The following SMARCE1 variants were observed in gnomAD, a reference collection of about 807,000 sequenced individuals.
SMARCE1 encodes SWI/SNF related BAF chromatin remodeling complex subunit E1.
In SMARCE1, 13 loss-of-function variants were observed where a neutral mutation model predicts 54.9. The observed-to-expected ratio is 0.24, with a 90% confidence interval of 0.15 to 0.38. The LOEUF (loss-of-function observed/expected upper bound fraction) is 0.38, where lower values mean the gene tolerates loss of function less well. SMARCE1 is among the 10% of genes least tolerant of loss of function. The probability of loss-of-function intolerance (pLI) is 1.00; values close to 1 mark genes in which losing one functional copy is unlikely to be tolerated. For synonymous variants in SMARCE1, 151 were observed against 175.3 expected, an observed-to-expected ratio of 0.86 and a Z score of 1.10; for missense variants, 295 against 523.8, an observed-to-expected ratio of 0.56 and a Z score of 4.26.
chr17:40,627,701 ACT>A lies in SMARCE1; in HGVS notation c.*1082_*1083del, dbSNP rs943863804. On this transcript the variant is annotated 3_prime_UTR_variant, in exon 11 of 11. Transcript: ENST00000348513. The stretch of plus-strand genomic sequence containing the variant: ...TACAAATATGTAGTGCATTAAAAAC[ACT>A]GAGACCTTTTTTTCATTTTTTTTTT... The A allele has an allele frequency of 5.3e-5, 7 of 132,126 alleles. No individual in the cohort carries two copies. The highest frequency in any genetic ancestry group is 2.1e-4 in the African/African-American group (7 of 32,774). The allele number at this position is 132,126 out of a possible 1,614,324, so 8.2% of individuals were successfully genotyped here.
rs1197942361 is a variant in SMARCE1, at chr17:40,628,582, CAAAGA to C, written c.*198_*202del. 20 of 523,372 alleles carry C rather than the reference CAAAGA, an allele frequency of 3.8e-5. No homozygotes were observed. 32.4% of individuals were successfully genotyped at this position (523,372 alleles called of 1,614,324 possible). On this transcript the variant is annotated 3_prime_UTR_variant, in exon 11 of 11. Transcript: ENST00000348513. ...GCAGTTGAGGGCTAGAAACAAGATC[CAAAGA>C]AAAGAGCCATCTTCACAACACTTAA...
intron 4 of SMARCE1, chr17:40,640,841 CA>C (rs1375926178): frequency 2.0e-5 from 3 of 152,172 alleles, no homozygotes; most frequent in Non-Finnish European, 4.4e-5. Flanking sequence ...GCCAAATGTT[CA>C]GTTCTTAACA....
At chr17:40,641,445 T>C (rs1019330494) in intron 4 of SMARCE1, 6 of 152,218 alleles carry the variant, frequency 3.9e-5, no homozygotes, top group African/African-American at 4.8e-5. Context: ...CTTATCAAGA[T>C]AGACATTCAT....
intron 4 of SMARCE1, chr17:40,641,460 T>C (rs981277699): frequency 5.9e-5 from 9 of 152,338 alleles, no homozygotes; most frequent in Middle Eastern, 3.4e-3. Context: ...ATTCATTTGA[T>C]AGCTACAAGC....
Position 40,645,603 on chromosome 17 carries a change from G to T in SMARCE1, c.24C>A (p.Ala8=). The T allele has an allele frequency of 6.4e-7, 1 of 1,567,102 alleles. No homozygotes were observed. Among genetic ancestry groups the T allele is most frequent in the East Asian group, 2.4e-5 (1 of 42,272 alleles). ...TTGCAGGAGCTGGGGTGGGAGGTGG[G>T]GCATAAGATGGTCTTTCTGTTTGAA... MSKRPSY[A]PPPTPAPATQ... The change falls in exon 3 of 11, where the codon GCC becomes GCA. Residue 8 remains alanine (A), a synonymous_variant. Coordinates refer to ENST00000348513, the MANE Select transcript of SMARCE1 (RefSeq NM_003079.5).
intron 1 of SMARCE1, chr17:40,647,129 C>T (rs1361104088): frequency 6.6e-6 from 1 of 152,178 alleles, no homozygotes; most frequent in Non-Finnish European, 1.5e-5. Context: ...CATTTGTCCA[C>T]CGTTGGATCC....
rs1277035085 is a variant in SMARCE1, at chr17:40,642,012, C to T, written c.156+443G>A. On this transcript the variant is annotated intron_variant, in intron 4 of 10. Transcript: ENST00000348513. This position sits in a 1 kb window ranked among gnomAD's most constrained non-coding sequence, Gnocchi z 4.6. ...CCAAAAGACAAATAACTATGGGTAG[C>T]GATTCAAACTGGTGTACCAGCCAAA... The T allele has an allele frequency of 1.6e-5, 3 of 190,594 alleles. No homozygotes were observed. The highest frequency in any genetic ancestry group is 1.4e-4 in the South Asian group (1 of 6,978). The allele number at this position is 190,594 out of a possible 1,614,324, so 11.8% of individuals were successfully genotyped here.
At position 40,645,866 on chromosome 17, in the gene SMARCE1, G is replaced by T. The variant is rs2037249924; in HGVS notation, c.-45-19C>A. 1.5e-6 allele frequency: 1 copy of T among 667,726 alleles called. No homozygotes were observed. The highest frequency in any genetic ancestry group is 2.2e-6 in the Non-Finnish European group (1 of 459,142). 41.4% of individuals were successfully genotyped at this position (667,726 alleles called of 1,614,324 possible). On this transcript the variant is annotated intron_variant, in intron 1 of 10. Transcript: ENST00000348513. ...TGAGACACTAAAATAAAAAAAAAAG[G>T]AAAAAAAAAAGAGAATCAAAACTCA...
intron 7 of SMARCE1, chr17:40,634,164 C>G (rs958839715): frequency 6.6e-6 from 1 of 152,166 alleles, no homozygotes; most frequent in African/African-American, 2.4e-5. Context: ...GGTTATTGCC[C>G]TGTCATCCAG....
At chr17:40,635,880 A>G in intron 7 of SMARCE1, 51 bp downstream of exon 7, 1 of 1,325,320 alleles carries the variant, frequency 7.5e-7, no homozygotes, top group Non-Finnish European at 1.0e-6. Context: ...GATTTCTCAT[A>G]TCTTAACTCA....
rs972517408 is a variant in SMARCE1, at chr17:40,627,872, G to C, written c.*913C>G. On this transcript the variant is annotated 3_prime_UTR_variant, in exon 11 of 11. Transcript: ENST00000348513. ...ACTTTACTAAGTTTATCAAAAAGGTGGGCTCTGGTCTATGGGATCCTGAGC... is the reference window on the plus strand; with the variant it reads ...ACTTTACTAAGTTTATCAAAAAGGTCGGCTCTGGTCTATGGGATCCTGAGC... 1.2e-4 allele frequency: 18 copies of C among 152,546 alleles called. No homozygotes were observed. The highest frequency in any genetic ancestry group is 2.4e-4 in the Non-Finnish European group (16 of 68,020). 9.4% of individuals were successfully genotyped at this position (152,546 alleles called of 1,614,324 possible). A position where few individuals can be genotyped will look rare whatever the true frequency, so the allele number is the denominator to read the frequency against.
intron 10 of SMARCE1, chr17:40,630,001 C>G (rs2037074223): frequency 2.4e-6 from 1 of 421,808 alleles, no homozygotes; most frequent in African/African-American, 2.0e-5. Flanking sequence ...TGACTACTGT[C>G]CCTCCCACTT....
chr17:40,635,929 AC>A lies in SMARCE1; in HGVS notation c.541+1del. ...AACAAAACCCCACTTTTTTTCTTTTACCATCTGGATCTTCAGCAGGCTGAAT... is the reference window on the plus strand; with the variant it reads ...AACAAAACCCCACTTTTTTTCTTTTACATCTGGATCTTCAGCAGGCTGAAT... On this transcript the variant is annotated splice_donor_variant, in intron 7 of 10. Transcript: ENST00000348513. LOFTEE classifies it high-confidence loss of function. 6.5e-7 allele frequency: 1 copy of A among 1,550,104 alleles called. No homozygotes were observed. The highest frequency in any genetic ancestry group is 1.3e-5 in the South Asian group (1 of 78,782).
At chr17:40,636,322 AC>A (rs2037145631) in intron 6 of SMARCE1, 72 bp downstream of exon 6, 3 of 1,482,592 alleles carry the variant, frequency 2.0e-6, no homozygotes, top group Non-Finnish European at 2.8e-6. Context: ...ATCTTATGTT[AC>A]TTTTATAAAT....
intron 3 of SMARCE1, chr17:40,645,259 TAAA>T: frequency 2.6e-6 from 1 of 389,734 alleles, no homozygotes; most frequent in Non-Finnish European, 4.5e-6. Flanking sequence ...AGTAACAACT[TAAA>T]GACTCTTAAT....
At position 40,642,350 on chromosome 17, in the gene SMARCE1, T is replaced by A. The variant is rs190283994; in HGVS notation, c.156+105A>T. ...ATACTCAAAAAGCTAGGTTAAAAAA[T>A]TTTTTTTAAATGGCTGTGCTTATGA... On this transcript the variant is annotated intron_variant, in intron 4 of 10. Coordinates refer to ENST00000348513, the MANE Select transcript of SMARCE1 (RefSeq NM_003079.5). This position sits in a 1 kb window ranked among gnomAD's most constrained non-coding sequence, Gnocchi z 4.6. The A allele has an allele frequency of 2.2e-4, 171 of 784,776 alleles. No individual in the cohort carries two copies. The highest frequency in any genetic ancestry group is 1.4e-3 in the African/African-American group (80 of 58,700). The allele number at this position is 784,776 out of a possible 1,614,324, so 48.6% of individuals were successfully genotyped here.
At chr17:40,631,499 A>T in intron 9 of SMARCE1, 93 bp downstream of exon 9, 1 of 685,608 alleles carries the variant, frequency 1.5e-6, no homozygotes, top group South Asian at 1.8e-5. Context: ...AGTGAACAAC[A>T]TTCAATAAAA....
chr17:40,637,336 T>C (rs540208562), intron 5 of SMARCE1, 156 bp downstream of exon 5: 18 of 669,392 alleles, frequency 2.7e-5, no homozygotes, highest in East Asian at 2.5e-4. Context: ...TTCTGGAATT[T>C]TGAAATCAGA....
intron 10 of SMARCE1, chr17:40,629,246 G>C: frequency 1.9e-6 from 1 of 516,028 alleles, no homozygotes; most frequent in Non-Finnish European, 3.4e-6. Context: ...TGAAAATTTA[G>C]CTTCTGAATT....
Sources: gnomAD v4.1 joint callset for allele counts on GRCh38, gnomAD v4.1.1 for gene constraint, Gnocchi (gnomAD v3.1) non-coding constraint, MANE v1.5 for transcripts, NCBI Gene and HGNC (gene_info 2026-07-23, HGNC 2026-07-21) for gene names.